SDK1: variants seen among roughly 807,000 people sequenced by gnomAD.
The protein encoded by SDK1 is protein sidekick-1.
A neutral mutation model predicts 245.5 loss-of-function variants in SDK1; 157 were observed. The ratio of observed to expected loss-of-function variants is 0.64; its 90% confidence interval spans 0.56 to 0.73. SDK1 has a LOEUF of 0.73. Ranked by LOEUF, SDK1 falls within the 30% of genes least tolerant of loss-of-function variation. The pLI is 0.00. For synonymous variants in SDK1, 1,647 were observed against 1,278.5 expected, an observed-to-expected ratio of 1.29 and a Z score of -6.15; for missense variants, 3,583 against 3,002.3, an observed-to-expected ratio of 1.19 and a Z score of -4.52.
intron 32 of SDK1, among the ~76,000 whole-genome samples, chr7:4,171,761 G>A (rs1781852825): frequency 6.6e-6 from 1 of 152,252 alleles, no homozygotes. Flanking sequence ...GGAGCTAGAT[G>A]CCGGGCAGTG....
chr7:3,991,790 C>T (rs1018640544), intron 14 of SDK1, among the ~76,000 whole-genome samples: 2 of 152,216 alleles, frequency 1.3e-5, no homozygotes, highest in Non-Finnish European at 1.5e-5. Context: ...GCTGAAGCAG[C>T]CTGTGCTGCT....
intron 4 of SDK1, among the ~76,000 whole-genome samples, chr7:3,818,069 A>T (rs564634522): frequency 2.5e-4 from 38 of 152,216 alleles, no homozygotes; most frequent in Admixed American, 5.2e-4. Flanking sequence ...TCCATATTGT[A>T]CTCAGTTATT....
At chr7:3,725,559 A>C (rs1757649306) in intron 4 of SDK1, among the ~76,000 whole-genome samples, 1 of 152,196 alleles carries the variant, frequency 6.6e-6, no homozygotes, top group African/African-American at 2.4e-5. Flanking sequence ...CAGCACCTTT[A>C]GCTCACTCTT....
chr7:3,500,283 C>G (rs1782156136), intron 1 of SDK1, among the ~76,000 whole-genome samples: 1 of 152,130 alleles, frequency 6.6e-6, no homozygotes, highest in Admixed American at 6.5e-5. Context: ...CCTATTTTCT[C>G]CTTCTTGGAC....
intron 19 of SDK1, among the ~76,000 whole-genome samples, chr7:4,065,723 T>TTTTTTTTTTTTTTTTTTTTTTTTTC (rs1170756156): frequency 7.2e-6 from 1 of 139,542 alleles, no homozygotes; most frequent in Non-Finnish European, 1.5e-5. Flanking sequence ...TTTTTTTTTT[T>TTTTTTTTTTTTTTTTTTTTTTTTTC]TTTTTTGAGG....
intron 1 of SDK1, among the ~76,000 whole-genome samples, chr7:3,340,782 A>AAG (rs397946680): frequency 4.7e-5 from 7 of 149,178 alleles, no homozygotes; most frequent in Non-Finnish European, 8.9e-5. Flanking sequence ...AAAAAAAAAA[A>AAG]TCATCTATGA....
intron 1 of SDK1, among the ~76,000 whole-genome samples, chr7:3,305,249 G>C (rs1917690): frequency 0.022 from 3,416 of 152,240 alleles, 140 homozygotes; most frequent in African/African-American, 0.077. Context: ...CAGTTATCTG[G>C]ACTCCACCTC....
At chr7:3,481,489 G>C (rs566875886) in intron 1 of SDK1, among the ~76,000 whole-genome samples, 67 of 152,358 alleles carry the variant, frequency 4.4e-4, no homozygotes, top group African/African-American at 1.5e-3. Flanking sequence ...GACCTCTTTG[G>C]ACTGTTAGTG....
chr7:3,999,346 A>C (rs943985402), intron 14 of SDK1, among the ~76,000 whole-genome samples: 1 of 152,056 alleles, frequency 6.6e-6, no homozygotes, highest in Non-Finnish European at 1.5e-5. Context: ...CGTGAGGTCC[A>C]TTTTCGAGGC....
chr7:3,322,473 C>G (rs1470137244), intron 1 of SDK1, among the ~76,000 whole-genome samples: 1 of 152,066 alleles, frequency 6.6e-6, no homozygotes, highest in African/African-American at 2.4e-5. Context: ...CCTGTTTTCT[C>G]TTCTTTTTGG....
chr7:4,132,371 C>T lies in SDK1; in HGVS notation c.4176C>T (p.Thr1392=). 1.2e-6 allele frequency: 2 copies of T among 1,613,228 alleles called. No individual in the cohort carries two copies. Among genetic ancestry groups the T allele is most frequent in the Non-Finnish European group, 1.7e-6 (2 of 1,179,524 alleles). Reference sequence around the variant, plus strand: ...TCGTGTTCCCCGAAGTGAGACTCACCTCCGTGCGGATAGTGTGGCAACCTC... The same window carrying T: ...TCGTGTTCCCCGAAGTGAGACTCACTTCCGTGCGGATAGTGTGGCAACCTC... ...VRLVFPEVRL[T]SVRIVWQPPE... Residue 1392 remains threonine, a synonymous_variant, in exon 28 of 45, where the codon ACC becomes ACT. Coordinates refer to ENST00000404826, the MANE Select transcript of SDK1 (RefSeq NM_152744.4).
chr7:3,817,864 G>A (rs1779548364), intron 4 of SDK1, among the ~76,000 whole-genome samples: 1 of 152,194 alleles, frequency 6.6e-6, no homozygotes, highest in African/African-American at 2.4e-5. Context: ...GAAGCACTTA[G>A]CGAGTGCTCA....
At chr7:3,403,824 CATATATATATATATATAT>C (rs10650660) in intron 1 of SDK1, among the ~76,000 whole-genome samples, 6,317 of 60,726 alleles carry the variant, frequency 0.1, 358 homozygotes, top group South Asian at 0.16. Context: ...AAATATCTTA[CATATATATATATATATAT>C]ATATATATAT....
At chr7:3,882,838 G>A (rs1781240022) in intron 5 of SDK1, among the ~76,000 whole-genome samples, 1 of 152,114 alleles carries the variant, frequency 6.6e-6, no homozygotes, top group South Asian at 2.1e-4. Flanking sequence ...CTATAATTTA[G>A]ACATTCTCTG....
intron 1 of SDK1, among the ~76,000 whole-genome samples, chr7:3,513,146 A>G (rs1306809834): frequency 1.3e-5 from 2 of 152,204 alleles, no homozygotes; most frequent in Non-Finnish European, 2.9e-5. Context: ...ACAGTTACTG[A>G]GCTCTATGTC....
At chr7:4,095,604 G>A (rs1174006625) in intron 22 of SDK1, among the ~76,000 whole-genome samples, 4 of 151,546 alleles carry the variant, frequency 2.6e-5, no homozygotes, top group East Asian at 1.9e-4. Context: ...ACGGAGTCTC[G>A]CTCTGTCTCA....
intron 16 of SDK1, among the ~76,000 whole-genome samples, chr7:4,014,049 C>G (rs1396514378): frequency 2.0e-5 from 3 of 152,258 alleles, no homozygotes; most frequent in East Asian, 3.8e-4. Context: ...ACCTCTCATT[C>G]TGCACCCATC....
chr7:3,518,671 CA>C (rs541849240), intron 1 of SDK1, among the ~76,000 whole-genome samples: 1 of 149,476 alleles, frequency 6.7e-6, no homozygotes, highest in Non-Finnish European at 1.5e-5. Flanking sequence ...ATTAAAAAGA[CA>C]AAAAAAAACA....
intron 1 of SDK1, among the ~76,000 whole-genome samples, chr7:3,527,799 G>T (rs1466153732): frequency 2.0e-5 from 3 of 151,444 alleles, no homozygotes; most frequent in Non-Finnish European, 4.4e-5. Flanking sequence ...CCAGCTAGAG[G>T]GTGAATGTTA....
Sources: gnomAD v4.1 joint callset for allele counts (sites outside exome capture counted in the v4.1 genomes callset) on GRCh38, gnomAD v4.1.1 for gene constraint, MANE v1.5 for transcripts, NCBI Gene and HGNC (gene_info 2026-07-23, HGNC 2026-07-21) for gene names.